IQSEC1: variants seen among roughly 807,000 people sequenced by gnomAD.
IQSEC1 encodes IQ motif and SEC7 domain-containing protein 1.
Under a neutral mutation model 91.0 loss-of-function variants are expected in IQSEC1, and 31 were observed. The observed-to-expected ratio is 0.34, with a 90% CI of 0.26 to 0.46. The LOEUF is 0.46. Ranked by LOEUF, IQSEC1 falls within the 20% of genes least tolerant of loss-of-function variation. The pLI, the probability that IQSEC1 is intolerant of heterozygous loss-of-function variation, is 1.00. For synonymous variants in IQSEC1, 699 were observed against 662.6 expected (o/e 1.05, Z -0.84); for missense variants, 1,388 against 1,575.6 (o/e 0.88, Z 2.02).
At chr3:13,035,367 C>T (rs1249114876) in intron 1 of IQSEC1, among the ~76,000 whole-genome samples, 1 of 152,198 alleles carries the variant, frequency 6.6e-6, no homozygotes, top group African/African-American at 2.4e-5. Context: ...GCCAAGGACA[C>T]TGTCTTCCCT....
intron 1 of IQSEC1, among the ~76,000 whole-genome samples, chr3:13,203,890 C>T (rs797012892): frequency 1.3e-5 from 2 of 152,340 alleles, no homozygotes; most frequent in African/African-American, 4.8e-5. Context: ...AGTGAACAGA[C>T]GGAGGCTTGG....
At chr3:13,098,228 A>C (rs1351017230) in intron 2 of IQSEC1, among the ~76,000 whole-genome samples, 1 of 152,258 alleles carries the variant, frequency 6.6e-6, no homozygotes, top group African/African-American at 2.4e-5. Flanking sequence ...GATCAAAACA[A>C]GGTCCTTGAC....
At chr3:12,964,519 C>G (rs907047209) in intron 1 of IQSEC1, among the ~76,000 whole-genome samples, 1 of 152,172 alleles carries the variant, frequency 6.6e-6, no homozygotes, top group Non-Finnish European at 1.5e-5. Flanking sequence ...CTGACCTGGA[C>G]AAACATGGCA....
chr3:12,935,500 T>A lies in IQSEC1; in HGVS notation c.1516A>T (p.Asn506Tyr). Residue 506 changes from asparagine (N) to tyrosine (Y), a missense_variant, in exon 3 of 14, where the codon AAC becomes TAC. Around this residue, in one of 2 missense-constraint regions of IQSEC1, gnomAD observed 1,059 missense variants for 1,317.8 expected, o/e 0.80. Transcript: ENST00000613206. This position sits in a 1 kb window ranked among gnomAD's most constrained non-coding sequence, Gnocchi z 8.0. ...TAGTGCCTCTTGCGGATGACATCGTTGCTAAAGGCAGGCGAGTCCCAGCTG... is the reference window on the plus strand; with the variant it reads ...TAGTGCCTCTTGCGGATGACATCGTAGCTAAAGGCAGGCGAGTCCCAGCTG... ...RNSWDSPAFSNDVIRKRHYRI... is the reference protein window; with the variant it reads ...RNSWDSPAFSYDVIRKRHYRI... The A allele has an allele frequency of 6.2e-7, 1 of 1,613,896 alleles. No homozygotes were observed. The highest frequency in any genetic ancestry group is 1.1e-5 in the South Asian group (1 of 91,084).
At chr3:13,076,990 C>T (rs924760393), upstream of IQSEC1, among the ~76,000 whole-genome samples, 9 of 149,242 alleles carry the variant, frequency 6.0e-5, no homozygotes, top group Admixed American at 2.7e-4. Flanking sequence ...ATTACATAGA[C>T]CCTAAAAAAA....
intron 1 of IQSEC1, among the ~76,000 whole-genome samples, chr3:13,181,939 T>G (rs1395047001): frequency 6.6e-6 from 1 of 152,254 alleles, no homozygotes; most frequent in African/African-American, 2.4e-5. Context: ...TCCTGTCTAG[T>G]TCACTGCTGT....
Position 13,042,577 on chromosome 3 carries a change from G to A in IQSEC1, c.23+30415C>T, listed in dbSNP as rs142279651. On this transcript the variant is annotated intron_variant, in intron 1 of 13. Coordinates refer to ENST00000613206, the MANE Select transcript of IQSEC1 (RefSeq NM_001134382.3). ...CACAAAAGCCTAGCAACTCATTCAC[G>A]CAGCTCGCCTGGCCCGGCTCATGCT... 865 of 152,628 alleles carry A rather than the reference G, an allele frequency of 5.7e-3. 6 individuals carry two copies. Among genetic ancestry groups the A allele is most frequent in the Admixed American group, 8.4e-3 (129 of 15,310 alleles). 9.5% of individuals were successfully genotyped at this position (152,628 alleles called of 1,614,324 possible).
intron 9 of IQSEC1, 44 bp downstream of exon 9, chr3:12,913,384 G>C: frequency 1.0e-5 from 16 of 1,546,948 alleles, no homozygotes; most frequent in Non-Finnish European, 1.3e-5. Flanking sequence ...CCTGGGCTCA[G>C]GCTTGAGGTC....
chr3:13,119,903 A>C (rs1031699576), intron 2 of IQSEC1, among the ~76,000 whole-genome samples: 2 of 151,550 alleles, frequency 1.3e-5, no homozygotes, highest in Admixed American at 6.6e-5. Context: ...GGCCGTCCAC[A>C]CTCTGCCTCA....
chr3:13,264,023 C>A (rs545291962), intron 1 of IQSEC1, among the ~76,000 whole-genome samples: 21 of 152,332 alleles, frequency 1.4e-4, no homozygotes, highest in African/African-American at 4.8e-4. Flanking sequence ...AGGCTTGGTA[C>A]AGAATCATCA....
At position 13,259,523 on chromosome 3, in the gene IQSEC1, C is replaced by T. The variant is rs1695345710; in HGVS notation, c.272+23188G>A. Among the ~76,000 whole-genome samples the T allele has an allele frequency of 6.6e-6, 1 of 152,224 alleles. No individual in the cohort carries two copies. The highest frequency in any genetic ancestry group is 1.5e-5 in the Non-Finnish European group (1 of 68,040). ...GCCCAACCTCCGAATCAGGGAAATA[C>T]AGCCGACTCCCCAAGGCCTTCGAGG... On this transcript the variant is annotated intron_variant, in intron 1 of 15. Coordinates refer to the IQSEC1 transcript ENST00000648114. The surrounding 1 kb of genome is among the most constrained non-coding windows in gnomAD (Gnocchi z 4.6).
chr3:12,995,936 T>G (rs1329220816), intron 1 of IQSEC1, among the ~76,000 whole-genome samples: 1 of 152,204 alleles, frequency 6.6e-6, no homozygotes, highest in Non-Finnish European at 1.5e-5. Context: ...CCCAGTGCTT[T>G]GGGAGGCTGA....
rs537223601 is a variant in IQSEC1 at position 12,922,699 on chromosome 3, G to C, written c.1731-457C>G. On this transcript the variant is annotated intron_variant, in intron 4 of 13. Coordinates refer to ENST00000613206, the MANE Select transcript of IQSEC1 (RefSeq NM_001134382.3). This position sits in a 1 kb window ranked among gnomAD's most constrained non-coding sequence, Gnocchi z 5.1. ...TTTCAGAATAAGCCTGTTCTCTTGT[G>C]GGGAGAGTATCGGGGTGGTGGGCTG... Among the ~76,000 whole-genome samples, 2 of 152,274 alleles carry C rather than the reference G, an allele frequency of 1.3e-5. No homozygotes were observed. The highest frequency in any genetic ancestry group is 4.1e-4 in the South Asian group (2 of 4,822).
At chr3:13,161,459 C>T (rs1371153014) in intron 2 of IQSEC1, among the ~76,000 whole-genome samples, 1 of 152,218 alleles carries the variant, frequency 6.6e-6, no homozygotes, top group Non-Finnish European at 1.5e-5. Flanking sequence ...GATCTGGTGA[C>T]TCTCTGTCCA....
At chr3:12,990,272 C>T (rs1404398500) in intron 1 of IQSEC1, among the ~76,000 whole-genome samples, 1 of 152,162 alleles carries the variant, frequency 6.6e-6, no homozygotes, top group Non-Finnish European at 1.5e-5. Context: ...TGTGAATCCT[C>T]CACCTGGCCT....
chr3:12,938,401 G>T (rs1260608803), intron 2 of IQSEC1, among the ~76,000 whole-genome samples: 1 of 152,182 alleles, frequency 6.6e-6, no homozygotes, highest in Non-Finnish European at 1.5e-5. Context: ...GCCACGCAGG[G>T]CCTTGCATGC....
rs544299389 is a variant in IQSEC1, at chr3:13,100,325, G to A, written c.303-52803C>T. ...TTCCTACATCTAGGCCTTTGCACAC[G>A]CTGTTCCTTCTGCTCAGAACACCCT... On this transcript the variant is annotated intron_variant, in intron 2 of 15. Transcript: ENST00000648114. Among the ~76,000 whole-genome samples, 22 of 148,562 alleles carry A rather than the reference G, an allele frequency of 1.5e-4. 2 individuals are homozygous for A. The highest frequency in any genetic ancestry group is 1.3e-3 in the South Asian group (6 of 4,742).
chr3:13,013,704 C>G (rs1702991625), intron 1 of IQSEC1, among the ~76,000 whole-genome samples: 1 of 152,058 alleles, frequency 6.6e-6, no homozygotes, highest in Non-Finnish European at 1.5e-5. Flanking sequence ...CTTGACTCCC[C>G]AACACCAAGA....
At chr3:13,233,097 A>G (rs1331014418) in intron 1 of IQSEC1, among the ~76,000 whole-genome samples, 1 of 152,214 alleles carries the variant, frequency 6.6e-6, no homozygotes, top group Non-Finnish European at 1.5e-5. Context: ...TGCCACCGCA[A>G]TGTGCACTTA....
Sources: gnomAD v4.1 joint callset for allele counts (sites outside exome capture counted in the v4.1 genomes callset) on GRCh38, gnomAD v4.1.1 for gene constraint, gnomAD v4.1.1 regional missense constraint, Gnocchi (gnomAD v3.1) non-coding constraint, MANE v1.5 for transcripts, NCBI Gene and HGNC (gene_info 2026-07-23, HGNC 2026-07-21) for gene names.